The following EYS variants were observed in gnomAD, a reference collection of about 807,000 sequenced individuals.
EYS encodes EGF-like photoreceptor maintenance factor.
Under a neutral mutation model 282.1 loss-of-function variants are expected in EYS, and 250 were observed. The ratio of observed to expected loss-of-function variants is 0.89; its 90% confidence interval spans 0.80 to 0.98. EYS has a LOEUF of 0.98. EYS is among the 50% of genes least tolerant of loss of function. The pLI, the probability that EYS is intolerant of heterozygous loss-of-function variation, is 0.00. For synonymous variants in EYS, 1,355 were observed against 1,282.9 expected (o/e 1.06, Z -1.20); for missense variants, 4,016 against 3,709.0 (o/e 1.08, Z -2.15).
intron 31 of EYS, among the ~76,000 whole-genome samples, chr6:64,162,410 C>T (rs918957992): frequency 2.6e-5 from 4 of 152,106 alleles, no homozygotes; most frequent in African/African-American, 4.8e-5. Flanking sequence ...TCAGGAAACC[C>T]CAGGAGTTTT....
At chr6:65,326,211 G>C (rs1262717393) in intron 11 of EYS, among the ~76,000 whole-genome samples, 1 of 151,146 alleles carries the variant, frequency 6.6e-6, no homozygotes, top group Non-Finnish European at 1.5e-5. Flanking sequence ...TCCTTTAATT[G>C]CTTCTCAATC....
chr6:65,089,207 C>T (rs1774477937), intron 12 of EYS, among the ~76,000 whole-genome samples: 1 of 152,140 alleles, frequency 6.6e-6, no homozygotes, highest in Non-Finnish European at 1.5e-5. Flanking sequence ...GGGCAATTAT[C>T]CTCCAGACCC....
chr6:63,939,223 T>C (rs1161985693), intron 35 of EYS, among the ~76,000 whole-genome samples: 1 of 152,084 alleles, frequency 6.6e-6, no homozygotes, highest in Non-Finnish European at 1.5e-5. Context: ...TCTCTAAAAT[T>C]ACTCTTTCAA....
chr6:64,775,243 C>G (rs1562184884), intron 22 of EYS, among the ~76,000 whole-genome samples: 1 of 151,964 alleles, frequency 6.6e-6, no homozygotes, highest in Non-Finnish European at 1.5e-5. Context: ...CTCCTCTAAA[C>G]CAAATAGACT....
intron 26 of EYS, among the ~76,000 whole-genome samples, chr6:64,534,652 T>G (rs1764461850): frequency 6.6e-6 from 1 of 152,188 alleles, no homozygotes; most frequent in African/African-American, 2.4e-5. Context: ...AAAATACTTT[T>G]TTCATCTGGT....
chr6:63,790,490 T>C lies in EYS; in HGVS notation c.7412-1266A>G, dbSNP rs1697461606. Among the ~76,000 whole-genome samples, 3 of 152,238 alleles carry C rather than the reference T, an allele frequency of 2.0e-5. 1 individual carries two copies. In the South Asian group the frequency reaches 6.2e-4, roughly 31 times the overall value. ...ATACAGTCATGGTTAAGAGCAACTG[T>C]ATTAAGTGACCTACCATAGACCGAG... On this transcript the variant is annotated intron_variant, in intron 37 of 42. Transcript: ENST00000503581.
At chr6:64,589,594 T>G (rs3899909) in intron 26 of EYS, among the ~76,000 whole-genome samples, 143 of 152,110 alleles carry the variant, frequency 9.4e-4, no homozygotes, top group African/African-American at 3.3e-3. Flanking sequence ...AGAACTGTTA[T>G]ATGAGAAAAC....
At chr6:64,577,426 C>T (rs934463250) in intron 26 of EYS, among the ~76,000 whole-genome samples, 5 of 151,914 alleles carry the variant, frequency 3.3e-5, no homozygotes, top group Admixed American at 1.3e-4. Flanking sequence ...CTCTCTCAAT[C>T]GTTCAAATTA....
intron 12 of EYS, among the ~76,000 whole-genome samples, chr6:65,186,790 A>G (rs1445893912): frequency 6.6e-6 from 1 of 151,754 alleles, no homozygotes; most frequent in Non-Finnish European, 1.5e-5. Context: ...GTACTTGAAG[A>G]CATTTAAATG....
chr6:65,464,056 G>T (rs1366374346), intron 5 of EYS, among the ~76,000 whole-genome samples: 4 of 151,820 alleles, frequency 2.6e-5, no homozygotes, highest in African/African-American at 7.3e-5. Flanking sequence ...TCAAATTTCA[G>T]TTATGTTTTC....
intron 19 of EYS, among the ~76,000 whole-genome samples, chr6:64,856,587 T>C (rs1413386480): frequency 6.6e-6 from 1 of 152,152 alleles, no homozygotes; most frequent in African/African-American, 2.4e-5. Context: ...CTGTGAGCCA[T>C]GGTGCCTGGC....
In EYS at chr6:64,402,061, C is replaced by G. The variant is rs565428121; in HGVS notation, c.5928-13221G>C. Among the ~76,000 whole-genome samples the G allele has an allele frequency of 3.3e-5, 5 of 152,108 alleles. No individual in the cohort carries two copies. In the South Asian group the frequency reaches 1.0e-3, roughly 32 times the overall value. On this transcript the variant is annotated intron_variant, in intron 28 of 42. Coordinates refer to ENST00000503581, the MANE Select transcript of EYS (RefSeq NM_001142800.2). ...CCACTCGTCTATGAATTCTTCTGGC[C>G]CTTTGCTGAATCCTGTTTCCCCACT...
chr6:64,864,130 C>T (rs1766336814), intron 19 of EYS, among the ~76,000 whole-genome samples: 1 of 152,012 alleles, frequency 6.6e-6, no homozygotes. Context: ...AGAGTAAGTC[C>T]AATGACTGAT....
chr6:64,668,634 G>A (rs929141803), intron 22 of EYS, among the ~76,000 whole-genome samples: 4 of 143,696 alleles, frequency 2.8e-5, no homozygotes, highest in Non-Finnish European at 4.5e-5. Context: ...ACGCAATCTC[G>A]GCTCACCGCA....
intron 12 of EYS, among the ~76,000 whole-genome samples, chr6:65,150,276 T>C (rs887454242): frequency 6.6e-6 from 1 of 152,094 alleles, no homozygotes; most frequent in African/African-American, 2.4e-5. Context: ...CTTTTTTCTT[T>C]TTCTTATTTC....
chr6:63,833,358 CT>C (rs1339820183), intron 36 of EYS, among the ~76,000 whole-genome samples: 17 of 152,220 alleles, frequency 1.1e-4, no homozygotes, highest in African/African-American at 4.1e-4. Flanking sequence ...TGATAAGCAA[CT>C]TCGGCAAAGT....
At chr6:63,753,963 A>AT (rs75307356) in intron 41 of EYS, among the ~76,000 whole-genome samples, 21,738 of 152,004 alleles carry the variant, frequency 0.14, 1,745 homozygotes, top group African/African-American at 0.21. Context: ...TTGAAACCTA[A>AT]TTAATTCTAT....
chr6:64,193,068 T>G (rs1582407188), intron 31 of EYS, among the ~76,000 whole-genome samples: 1 of 152,222 alleles, frequency 6.6e-6, no homozygotes, highest in South Asian at 2.1e-4. Context: ...TCCTCTCACC[T>G]TGTTTTACTT....
chr6:65,539,027 A>C (rs553481459), intron 2 of EYS, among the ~76,000 whole-genome samples: 3 of 152,232 alleles, frequency 2.0e-5, no homozygotes, highest in Non-Finnish European at 4.4e-5. Context: ...TATTAGAATA[A>C]TTATGTCTTT....
Sources: allele counts gnomAD v4.1 joint callset (sites outside exome capture counted in the v4.1 genomes callset), GRCh38; gene constraint gnomAD v4.1.1; transcripts MANE v1.5; gene names NCBI Gene and HGNC (gene_info 2026-07-23, HGNC 2026-07-21).